TSC22D3: variants seen among roughly 807,000 people sequenced by gnomAD.
TSC22D3 encodes TSC22 domain family member 3, also known as TSC22 domain family protein 3.
A neutral mutation model predicts 11.1 loss-of-function variants in TSC22D3; 4 were observed. The ratio of observed to expected loss-of-function variants is 0.36; its 90% CI spans 0.18 to 0.83. The LOEUF (loss-of-function observed/expected upper bound fraction) is 0.83. Ranked by LOEUF, TSC22D3 falls within the 40% of genes least tolerant of loss-of-function variation. The pLI is 0.48. For synonymous variants in TSC22D3, 77 were observed against 70.3 expected (o/e 1.10, Z -0.48); for missense variants, 118 against 159.4 (o/e 0.74, Z 1.40).
At chrX:107,774,151 A>G (rs1165985639) in intron 1 of TSC22D3, among the ~76,000 whole-genome samples, 1 of 111,527 alleles carries the variant, frequency 9.0e-6, no homozygotes, top group African/African-American at 3.3e-5. Context: ...ACTCACACAC[A>G]CATGTTGGTG....
At chrX:107,756,869 C>T in intron 1 of TSC22D3, among the ~76,000 whole-genome samples, 1 of 112,657 alleles carries the variant, frequency 8.9e-6, no homozygotes. Context: ...GCCCCATGCC[C>T]ACATCAGTAA....
At chrX:107,770,595 T>C (rs1929863752) in intron 1 of TSC22D3, among the ~76,000 whole-genome samples, 1 of 111,800 alleles carries the variant, frequency 8.9e-6, no homozygotes. Context: ...GGTAGAATCC[T>C]AGGGTTTTTA....
chrX:107,730,460 C>A (rs747809767), intron 1 of TSC22D3, among the ~76,000 whole-genome samples: 1 of 111,547 alleles, frequency 9.0e-6, no homozygotes, highest in Non-Finnish European at 1.9e-5. Context: ...TTTGGTGGGG[C>A]CTGTTTCTTT....
intron 1 of TSC22D3, chrX:107,774,865 C>T: frequency 2.3e-6 from 1 of 428,509 alleles, no homozygotes; most frequent in East Asian, 3.8e-5. Flanking sequence ...TAGGCCCCAG[C>T]GTCCCCATCA....
chrX:107,742,304 AG>A (rs1928446846), intron 1 of TSC22D3, among the ~76,000 whole-genome samples: 1 of 91,642 alleles, frequency 1.1e-5, no homozygotes, highest in Non-Finnish European at 2.1e-5. Flanking sequence ...AGAGAGAGAG[AG>A]AGAGAGAGAG....
chrX:107,758,974 G>C (rs959284674), intron 1 of TSC22D3, among the ~76,000 whole-genome samples: 4 of 111,272 alleles, frequency 3.6e-5, no homozygotes, highest in Admixed American at 9.5e-5. Flanking sequence ...TCCGCCTCCG[G>C]GGTTCAAGTG....
At chrX:107,714,796 C>T (rs1926923252) in intron 2 of TSC22D3, 47 bp from the exon 3 acceptor site, 1 of 1,137,535 alleles carries the variant, frequency 8.8e-7, no homozygotes. Context: ...GCCATCGTGG[C>T]CCCTCTGCAG....
chrX:107,716,104 A>C (rs1195216124), intron 1 of TSC22D3, 154 bp from the exon 2 acceptor site: 14 of 676,006 alleles, frequency 2.1e-5, no homozygotes, highest in Non-Finnish European at 2.8e-5. Context: ...TTGTCCCCAG[A>C]TCCTTCCTTG....
chrX:107,751,628 C>T (rs768840856), intron 1 of TSC22D3, among the ~76,000 whole-genome samples: 26 of 112,336 alleles, frequency 2.3e-4, no homozygotes, highest in Admixed American at 8.5e-4. Context: ...CCTACATCTT[C>T]CGTAAGTGCC....
chrX:107,749,778 G>T (rs1191541349), intron 1 of TSC22D3, among the ~76,000 whole-genome samples: 1 of 111,543 alleles, frequency 9.0e-6, no homozygotes, highest in Non-Finnish European at 1.9e-5. Context: ...TTAACACCTG[G>T]TGCTCCCAAG....
chrX:107,739,633 G>T (rs751041732), intron 1 of TSC22D3, among the ~76,000 whole-genome samples: 2 of 112,648 alleles, frequency 1.8e-5, no homozygotes, highest in Non-Finnish European at 3.8e-5. Context: ...GGTAGGTGGA[G>T]CTTCCCAGAA....
chrX:107,751,374 G>C (rs192722773), intron 1 of TSC22D3, among the ~76,000 whole-genome samples: 1 of 111,758 alleles, frequency 8.9e-6, no homozygotes, highest in Non-Finnish European at 1.9e-5. Flanking sequence ...GGTGGGGAGA[G>C]AGGCTCCTGA....
chrX:107,738,334 A>C (rs1928236476), intron 1 of TSC22D3, among the ~76,000 whole-genome samples: 1 of 112,609 alleles, frequency 8.9e-6, no homozygotes, highest in African/African-American at 3.2e-5. Flanking sequence ...TGCATGAACA[A>C]AATTTTGCAG....
intron 2 of TSC22D3, among the ~76,000 whole-genome samples, chrX:107,715,257 C>T (rs978861314): frequency 8.9e-6 from 1 of 112,331 alleles, no homozygotes; most frequent in African/African-American, 3.2e-5. Context: ...TGAATTGCAG[C>T]TGTCCTGCAG....
At chrX:107,724,728 A>AT (rs1927527452) in intron 1 of TSC22D3, among the ~76,000 whole-genome samples, 1 of 112,690 alleles carries the variant, frequency 8.9e-6, no homozygotes, top group Admixed American at 9.3e-5. Context: ...TTGAGGTGGT[A>AT]TTCAGATGGA....
intron 1 of TSC22D3, among the ~76,000 whole-genome samples, chrX:107,756,998 G>C (rs1337664973): frequency 1.8e-5 from 2 of 112,266 alleles, no homozygotes; most frequent in Non-Finnish European, 3.8e-5. Flanking sequence ...TCTGTTCCCC[G>C]GTGTTCAGGA....
At chrX:107,748,769 A>C (rs1477987732) in intron 1 of TSC22D3, among the ~76,000 whole-genome samples, 3 of 112,086 alleles carry the variant, frequency 2.7e-5, no homozygotes, top group Non-Finnish European at 3.8e-5. Flanking sequence ...TTTCCAGAGG[A>C]TCAAATAAGA....
At chrX:107,729,815 G>A (rs756221705) in intron 1 of TSC22D3, among the ~76,000 whole-genome samples, 26 of 113,064 alleles carry the variant, frequency 2.3e-4, no homozygotes, top group Non-Finnish European at 3.7e-4. Flanking sequence ...GTCCTCCCCT[G>A]TGTAAACACA....
intron 1 of TSC22D3, among the ~76,000 whole-genome samples, chrX:107,737,939 G>A (rs374021844): frequency 1.4e-4 from 16 of 112,226 alleles, no homozygotes; most frequent in African/African-American, 3.9e-4. Flanking sequence ...GGATATTGAT[G>A]CATGGGTGCC....
Sources: allele counts gnomAD v4.1 joint callset (sites outside exome capture counted in the v4.1 genomes callset), GRCh38; gene constraint gnomAD v4.1.1; transcripts MANE v1.5; gene names NCBI Gene and HGNC (gene_info 2026-07-23, HGNC 2026-07-21).